The following C4orf50 variants were observed in gnomAD, a reference collection of about 807,000 sequenced individuals.
The protein encoded by C4orf50 is chromosome 4 open reading frame 50, also known as uncharacterized protein C4orf50.
C4orf50 carries 80 observed loss-of-function variants against 77.2 expected under a neutral mutation model. The ratio of observed to expected loss-of-function variants is 1.04; its 90% confidence interval spans 0.87 to 1.25. The LOEUF is 1.25. Among genes scored for constraint, C4orf50 ranks in the 50% most tolerant of loss-of-function variants. The pLI, the probability that C4orf50 is intolerant of heterozygous loss-of-function variation, is 0.00. For missense variants in C4orf50, 1,257 were observed against 1,152.9 expected (o/e 1.09, Z -1.31); for synonymous variants, 532 against 465.3 (o/e 1.14, Z -1.84).
intron 7 of C4orf50, among the ~76,000 whole-genome samples, chr4:5,938,319 C>T (rs1718120494): frequency 6.6e-6 from 1 of 152,146 alleles, no homozygotes; most frequent in African/African-American, 2.4e-5. Context: ...TTCTAAATGA[C>T]TCATGGATCA....
chr4:5,956,542 G>A (rs1718966808), downstream of C4orf50, among the ~76,000 whole-genome samples: 1 of 152,250 alleles, frequency 6.6e-6, no homozygotes, highest in South Asian at 2.1e-4. Context: ...AGCTCAAGCA[G>A]AAGGCCTCCC....
At position 6,008,424 on chromosome 4, in the gene C4orf50, G is replaced by T. The variant is rs1722343740; in HGVS notation, c.535C>A (p.Arg179Ser). The change falls in exon 25 of 34, where the codon CGC becomes AGC. Residue 179 changes from arginine (R) to serine (S), a missense_variant. Arg to Ser is a moderately radical substitution (Grantham distance 110). Coordinates refer to ENST00000531445, the Ensembl canonical transcript of C4orf50. This position sits in a 1 kb window ranked among gnomAD's most constrained non-coding sequence, Gnocchi z 6.0. ...TGGCGCCGCTGGGTCCGCCGGCAGC[G>T]CTCCAGGGCCGCCGCCTGCTGCCCC... The T allele has an allele frequency of 5.1e-6, 2 of 395,710 alleles. No homozygotes were observed. Among genetic ancestry groups the T allele is most frequent in the Admixed American group, 8.8e-5 (2 of 22,600 alleles). The allele number at this position is 395,710 out of a possible 1,614,324, so 24.5% of individuals were successfully genotyped here.
chr4:6,005,485 G>A (rs1004167065), intron 25 of C4orf50, among the ~76,000 whole-genome samples: 1 of 152,196 alleles, frequency 6.6e-6, no homozygotes, highest in Admixed American at 6.5e-5. Context: ...CACTGCTGCT[G>A]CCCTAGGCTC....
intron 29 of C4orf50, among the ~76,000 whole-genome samples, chr4:5,978,770 T>C (rs1577959058): frequency 6.6e-6 from 1 of 152,342 alleles, no homozygotes; most frequent in South Asian, 2.1e-4. Flanking sequence ...AACAGTTATG[T>C]GTAAGTTCAT....
At chr4:6,004,267 G>GAT (rs1722094894) in intron 25 of C4orf50, among the ~76,000 whole-genome samples, 1 of 67,774 alleles carries the variant, frequency 1.5e-5, no homozygotes, top group African/African-American at 5.8e-5. Context: ...TGGTGATGGT[G>GAT]GTGATGGTGA....
chr4:5,909,720 G>A (rs765076167), intron 7 of C4orf50, among the ~76,000 whole-genome samples: 16 of 152,086 alleles, frequency 1.1e-4, no homozygotes, highest in East Asian at 3.9e-4. Flanking sequence ...AATCTTCTGC[G>A]TGTGAATATC....
intron 7 of C4orf50, among the ~76,000 whole-genome samples, chr4:5,907,488 T>C (rs1341455815): frequency 6.6e-6 from 1 of 152,204 alleles, no homozygotes; most frequent in Non-Finnish European, 1.5e-5. Flanking sequence ...CTTTAAAATA[T>C]TAATGATCAC....
chr4:5,950,546 T>C (rs1718671429), intron 7 of C4orf50, among the ~76,000 whole-genome samples: 2 of 152,330 alleles, frequency 1.3e-5, no homozygotes, highest in African/African-American at 4.8e-5. Flanking sequence ...GAATCTGTTC[T>C]TTTACTCGCT....
chr4:5,915,840 T>C (rs565248582), intron 7 of C4orf50, among the ~76,000 whole-genome samples: 1 of 152,368 alleles, frequency 6.6e-6, no homozygotes, highest in South Asian at 2.1e-4. Context: ...TGGAACATTC[T>C]AGAAGCTCAA....
chr4:5,967,445 G>C, exon 32 of C4orf50: 2 of 1,613,916 alleles, frequency 1.2e-6, no homozygotes, highest in Non-Finnish European at 1.7e-6. Context: ...CAGACTTGAC[G>C]TCCAGGTGGT....
rs1219798442 is a variant in C4orf50 at position 6,007,786 on chromosome 4, G to A, written c.963+210C>T. ...ACGGTTGGTGGATGGGTAATGAGGT[G>A]GGCGTGCACTGAATGAGTATGTGAG... On this transcript the variant is annotated intron_variant, in intron 25 of 33. Transcript: ENST00000531445. The surrounding 1 kb of genome is among the most constrained non-coding windows in gnomAD (Gnocchi z 4.1). Among the ~76,000 whole-genome samples the A allele has an allele frequency of 3.4e-5, 5 of 148,580 alleles. No individual in the cohort carries two copies. The highest frequency in any genetic ancestry group is 6.0e-5 in the Non-Finnish European group (4 of 67,132).
In C4orf50 at chr4:5,908,941, C is replaced by G. The variant is rs1716671416; in HGVS notation, c.*2475-10753G>C. ...CTCTGTCATTCACTCCCCTGAATGG[C>G]CATTGTCCCAGCCCAGTCCATGACT... On this transcript the variant is annotated intron_variant, in intron 7 of 7. Coordinates refer to the C4orf50 transcript ENST00000324058. The surrounding 1 kb of genome is among the most constrained non-coding windows in gnomAD (Gnocchi z 5.6). Among the ~76,000 whole-genome samples the G allele has an allele frequency of 6.6e-6, 1 of 152,160 alleles. No individual in the cohort carries two copies. The highest frequency in any genetic ancestry group is 2.4e-5 in the African/African-American group (1 of 41,440).
chr4:5,992,668 C>A lies in C4orf50; in HGVS notation c.1221+135G>T. 2.7e-6 allele frequency: 1 copy of A among 366,790 alleles called. No individual in the cohort carries two copies. The highest frequency in any genetic ancestry group is 4.8e-6 in the Non-Finnish European group (1 of 206,324). 22.7% of individuals were successfully genotyped at this position (366,790 alleles called of 1,614,324 possible). Reference sequence around the variant, plus strand: ...TCTCCTCAAATCTCTCTCTCAACTACTTCCAGAATGTTCTCCCAGACCTGG... The same window carrying A: ...TCTCCTCAAATCTCTCTCTCAACTAATTCCAGAATGTTCTCCCAGACCTGG... On this transcript the variant is annotated intron_variant, in intron 27 of 33. Transcript: ENST00000531445. The surrounding 1 kb of genome is among the most constrained non-coding windows in gnomAD (Gnocchi z 5.0).
intron 33 of C4orf50, among the ~76,000 whole-genome samples, chr4:5,964,758 A>G (rs574110876): frequency 2.2e-5 from 2 of 91,960 alleles, no homozygotes; most frequent in South Asian, 9.2e-4. Context: ...ACAGAGCAAG[A>G]CTCTGTCTCA....
intron 33 of C4orf50, among the ~76,000 whole-genome samples, chr4:5,963,951 G>A (rs1346825396): frequency 1.3e-5 from 2 of 152,192 alleles, no homozygotes; most frequent in African/African-American, 2.4e-5. Flanking sequence ...AAGACAGAGG[G>A]GAGTGCTGCT....
intron 7 of C4orf50, among the ~76,000 whole-genome samples, chr4:5,917,726 C>T (rs1717092201): frequency 6.6e-6 from 1 of 152,044 alleles, no homozygotes; most frequent in Non-Finnish European, 1.5e-5. Flanking sequence ...CTACTGAAAG[C>T]TATAGTATGT....
At position 5,996,075 on chromosome 4, in the gene C4orf50, C is replaced by T. The variant is rs538398375; in HGVS notation, c.964-1599G>A. Reference sequence around the variant, plus strand: ...CGAATGCTGAAATTAGGTGCTGGTGCCCATCTATGGGCTGTCATTGCTGCC... The same window carrying T: ...CGAATGCTGAAATTAGGTGCTGGTGTCCATCTATGGGCTGTCATTGCTGCC... On this transcript the variant is annotated intron_variant, in intron 25 of 33. Transcript: ENST00000531445. 1.7e-3 allele frequency among the ~76,000 whole-genome samples: 263 copies of T among 152,312 alleles called. 1 individual carries two copies. Among genetic ancestry groups the T allele is most frequent in the African/African-American group, 5.5e-3 (227 of 41,562 alleles).
chr4:6,004,351 ACGG>A (rs1722122458), intron 25 of C4orf50, among the ~76,000 whole-genome samples: 5 of 17,118 alleles, frequency 2.9e-4, no homozygotes, highest in Non-Finnish European at 5.4e-4. Flanking sequence ...GGTGATGATG[ACGG>A]TGATGGTGAT....
Position 5,989,162 on chromosome 4 carries a change from C to A in C4orf50, c.2884G>T (p.Glu962Ter). 6.5e-7 allele frequency: 1 copy of A among 1,536,052 alleles called. No homozygotes were observed. Among genetic ancestry groups the A allele is most frequent in the Non-Finnish European group, 8.7e-7 (1 of 1,146,890 alleles). The change falls in exon 28 of 34, where the codon GAA becomes TAA. Residue 962 changes from glutamate to a stop codon, truncating the protein, a stop_gained. Transcript: ENST00000531445. LOFTEE classifies it high-confidence loss of function. ...GTCACCTCTCTCTCTCTCTCTCTTT[C>A]AAGGGCGCACACTCTTTCATGGAAC...
Sources: allele counts gnomAD v4.1 joint callset (sites outside exome capture counted in the v4.1 genomes callset), GRCh38; gene constraint gnomAD v4.1.1; non-coding constraint Gnocchi (gnomAD v3.1); transcripts MANE v1.5; gene names NCBI Gene and HGNC (gene_info 2026-07-23, HGNC 2026-07-21).